The following TOX3 variants were observed in gnomAD, a reference collection of about 807,000 sequenced individuals.
The protein encoded by TOX3 is TOX high mobility group box family member 3.
TOX3 carries 22 observed loss-of-function variants against 64.3 expected under a neutral mutation model. That is an observed-to-expected ratio of 0.34 (90% CI 0.24 to 0.49). The LOEUF (loss-of-function observed/expected upper bound fraction) is 0.49, where lower values mean the gene tolerates loss of function less well. Among genes scored for constraint, TOX3 ranks in the 20% least tolerant of loss-of-function variants. The pLI is 0.99. For synonymous variants in TOX3, 291 were observed against 273.6 expected (o/e 1.06, Z -0.63); for missense variants, 661 against 714.4 (o/e 0.93, Z 0.85).
intron 1 of TOX3, among the ~76,000 whole-genome samples, chr16:52,507,650 TA>T (rs1171333711): frequency 1.3e-5 from 2 of 152,080 alleles, no homozygotes; most frequent in Non-Finnish European, 2.9e-5. Context: ...AAACCTTTTT[TA>T]AAAAAAGATA....
At chr16:52,536,627 C>CTA (rs57164139) in intron 1 of TOX3, among the ~76,000 whole-genome samples, 421 of 34,172 alleles carry the variant, frequency 0.012, 7 homozygotes, top group South Asian at 0.017. Context: ...TAGATATACA[C>CTA]TATATATATA....
intron 4 of TOX3, 90 bp from the exon 5 acceptor site, chr16:52,446,311 GT>G: frequency 7.4e-6 from 10 of 1,346,478 alleles, no homozygotes; most frequent in Non-Finnish European, 1.0e-5. Context: ...TTCTTTGAAG[GT>G]TTTGTTAGGC....
intron 1 of TOX3, among the ~76,000 whole-genome samples, chr16:52,490,083 A>T (rs1360085926): frequency 1.3e-5 from 2 of 152,120 alleles, no homozygotes; most frequent in Non-Finnish European, 2.9e-5. Context: ...ATATGATGTG[A>T]TTTTTTAACG....
chr16:52,501,587 G>A (rs553825109), intron 1 of TOX3, among the ~76,000 whole-genome samples: 1 of 152,024 alleles, frequency 6.6e-6, no homozygotes, highest in South Asian at 2.1e-4. Context: ...TTGAACCCAG[G>A]AGGCGGAGGT....
chr16:52,464,159 G>A lies in TOX3; in HGVS notation c.183C>T (p.Asp61=), dbSNP rs772999327. Residue 61 remains aspartate, a synonymous_variant, in exon 3 of 7, where the codon GAC becomes GAT. Coordinates refer to ENST00000219746, the MANE Select transcript of TOX3 (RefSeq NM_001080430.4). ...EQTFHTPSLG[D]EEFEIPPITP... is the part of the protein sequence containing the mutation. Reference sequence around the variant, plus strand: ...TGATTGGTGGAATTTCGAATTCCTCGTCCCCAAGGCTTGGTGTGTGGAATG... The same window carrying A: ...TGATTGGTGGAATTTCGAATTCCTCATCCCCAAGGCTTGGTGTGTGGAATG... 3.9e-5 allele frequency: 61 copies of A among 1,572,930 alleles called. No homozygotes were observed. Among genetic ancestry groups the A allele is most frequent in the Non-Finnish European group, 4.7e-5 (55 of 1,158,280 alleles).
At chr16:52,444,129 T>C in intron 6 of TOX3, 147 bp downstream of exon 6, 1 of 538,644 alleles carries the variant, frequency 1.9e-6, no homozygotes, top group Middle Eastern at 3.8e-4. Context: ...ACTTGGGTAA[T>C]CTCTAATGGA....
rs546606925 is a variant in TOX3 at position 52,445,817 on chromosome 16, A to G, written c.906+177T>C. 5.9e-5 allele frequency: 37 copies of G among 632,462 alleles called. No individual in the cohort carries two copies. In the Middle Eastern group the frequency reaches 1.3e-3, roughly 22 times the overall value. The allele number at this position is 632,462 out of a possible 1,614,324, so 39.2% of individuals were successfully genotyped here. A position where few individuals can be genotyped will look rare whatever the true frequency, so the allele number is the denominator to read the frequency against. On this transcript the variant is annotated intron_variant, in intron 5 of 6. Coordinates refer to ENST00000219746, the MANE Select transcript of TOX3 (RefSeq NM_001080430.4). The stretch of plus-strand genomic sequence containing the variant: ...CACCCATAAGCTGACAGAGAAATCA[A>G]TATAACTGGAGAGTTGTTTAGATTT...
chr16:52,502,693 T>A (rs903873413), intron 1 of TOX3, among the ~76,000 whole-genome samples: 6 of 152,184 alleles, frequency 3.9e-5, no homozygotes, highest in African/African-American at 1.4e-4. Context: ...ATATTACAAA[T>A]TTTTGACACC....
chr16:52,544,011 C>T (rs924777264), intron 1 of TOX3, among the ~76,000 whole-genome samples: 6 of 152,124 alleles, frequency 3.9e-5, no homozygotes, highest in African/African-American at 1.4e-4. Flanking sequence ...GCCAAGAGTT[C>T]GGTGTTTCTT....
chr16:52,485,141 GTA>G (rs1210378119), intron 1 of TOX3, among the ~76,000 whole-genome samples: 25 of 106,446 alleles, frequency 2.3e-4, no homozygotes, highest in African/African-American at 7.1e-4. Context: ...ACATATGTGT[GTA>G]TATGTGTGTG....
chr16:52,542,669 C>T lies in TOX3; in HGVS notation c.87+3968G>A, dbSNP rs536414862. ...CCCAAGAGACAATTGAGTTTATGCC[C>T]CCTAGTTTAAGGCTCTTAGGAAAAC... On this transcript the variant is annotated intron_variant, in intron 1 of 6. Coordinates refer to ENST00000219746, the MANE Select transcript of TOX3 (RefSeq NM_001080430.4). 3.9e-5 allele frequency among the ~76,000 whole-genome samples: 6 copies of T among 152,218 alleles called. No homozygotes were observed. In the South Asian group the frequency reaches 1.2e-3, roughly 32 times the overall value.
chr16:52,483,240 T>G (rs1238300162), intron 1 of TOX3, among the ~76,000 whole-genome samples: 1 of 152,204 alleles, frequency 6.6e-6, no homozygotes, highest in East Asian at 1.9e-4. Context: ...TGACACTGAA[T>G]ATCTTAATGC....
chr16:52,525,318 A>C (rs1962705991), intron 1 of TOX3, among the ~76,000 whole-genome samples: 4 of 152,136 alleles, frequency 2.6e-5, no homozygotes, highest in Admixed American at 2.6e-4. Flanking sequence ...CCTACTGGAA[A>C]GGGAATGGAA....
At chr16:52,467,068 G>A (rs1421781792) in intron 2 of TOX3, among the ~76,000 whole-genome samples, 1 of 152,136 alleles carries the variant, frequency 6.6e-6, no homozygotes, top group East Asian at 1.9e-4. Flanking sequence ...GTATGTACAT[G>A]GTTAAATACC....
intron 1 of TOX3, among the ~76,000 whole-genome samples, chr16:52,476,165 G>A (rs1348109068): frequency 2.6e-5 from 4 of 152,102 alleles, no homozygotes; most frequent in African/African-American, 9.7e-5. Flanking sequence ...ATATCACCAG[G>A]AGAAAGGATG....
intron 1 of TOX3, among the ~76,000 whole-genome samples, chr16:52,515,235 G>C (rs1233527057): frequency 6.6e-6 from 1 of 151,588 alleles, no homozygotes; most frequent in African/African-American, 2.4e-5. Context: ...AAAATTAAGT[G>C]GGGAGAGGCA....
chr16:52,544,707 T>C lies in TOX3; in HGVS notation c.87+1930A>G, dbSNP rs539538377. 3.3e-5 allele frequency among the ~76,000 whole-genome samples: 5 copies of C among 152,294 alleles called. No homozygotes were observed. In the East Asian group the frequency reaches 7.7e-4, roughly 23 times the overall value. On this transcript the variant is annotated intron_variant, in intron 1 of 6. Transcript: ENST00000219746. ...GTTTTCAAGCTTTATATACCCTCCC[T>C]GAAATAAATGTTCTGAGCTTAAATA... is the stretch of plus-strand genomic sequence containing the variant.
chr16:52,546,000 A>T (rs1963171514), intron 1 of TOX3, among the ~76,000 whole-genome samples: 2 of 152,116 alleles, frequency 1.3e-5, no homozygotes, highest in African/African-American at 4.8e-5. Context: ...CCCCCAAAAA[A>T]ATGAGAGGAA....
intron 3 of TOX3, among the ~76,000 whole-genome samples, chr16:52,453,779 AG>A (rs1960432960): frequency 6.9e-6 from 1 of 145,218 alleles, no homozygotes; most frequent in African/African-American, 2.9e-5. Flanking sequence ...GCCAAACACA[AG>A]CATGTCTCCT....
Sources: gnomAD v4.1 joint callset for allele counts (sites outside exome capture counted in the v4.1 genomes callset) on GRCh38, gnomAD v4.1.1 for gene constraint, MANE v1.5 for transcripts, NCBI Gene and HGNC (gene_info 2026-07-23, HGNC 2026-07-21) for gene names.